Variants in RNPC3 observed in about 807,000 individuals in gnomAD.
RNPC3 encodes RNA-binding region-containing protein 3.
In RNPC3, 48 loss-of-function variants were observed where a neutral mutation model predicts 67.5. The ratio of observed to expected loss-of-function variants is 0.71; its 90% CI spans 0.56 to 0.90. RNPC3 has a LOEUF of 0.90. Ranked by LOEUF, RNPC3 falls within the 40% of genes least tolerant of loss-of-function variation. The probability of loss-of-function intolerance (pLI) is 0.00; values close to 1 mark genes in which losing one functional copy is unlikely to be tolerated. For missense variants in RNPC3, 637 were observed against 626.1 expected, an observed-to-expected ratio of 1.02 and a Z score of -0.19; for synonymous variants, 239 against 210.3, an observed-to-expected ratio of 1.14 and a Z score of -1.18.
chr1:103,526,184 T>A lies in RNPC3; in HGVS notation c.114T>A (p.Leu38=), dbSNP rs1387835461. Residue 38 remains leucine (L), a synonymous_variant, in exon 1 of 15, where the codon CTT becomes CTA. Transcript: ENST00000423855. ...TGGTCAGGCACCTGCCGGCTGAGCT[T>A]ACTGCTGAGGAGAAAGAGGACTTGC... ...TLLVRHLPAE[L]TAEEKEDLLK... 1 of 1,551,510 alleles carries A rather than the reference T, an allele frequency of 6.4e-7. No individual in the cohort carries two copies. Among genetic ancestry groups the A allele is most frequent in the East Asian group, 2.4e-5 (1 of 40,864 alleles).
At chr1:103,539,275 A>G (rs2101047222) in intron 7 of RNPC3, among the ~76,000 whole-genome samples, 1 of 152,344 alleles carries the variant, frequency 6.6e-6, no homozygotes. Context: ...ACATATACAA[A>G]TAATCGCAAT....
intron 2 of RNPC3, among the ~76,000 whole-genome samples, chr1:103,531,790 T>C (rs1380498936): frequency 6.6e-6 from 1 of 152,024 alleles, no homozygotes. Context: ...GGTTGTCTGT[T>C]TGTTGATTGT....
intron 6 of RNPC3, 61 bp downstream of exon 6, chr1:103,536,255 C>T: frequency 6.0e-6 from 7 of 1,172,314 alleles, no homozygotes; most frequent in Non-Finnish European, 8.6e-6. Flanking sequence ...ATTATTGAGG[C>T]TGAATTATAC....
In RNPC3 at chr1:103,546,304, A is replaced by G; in HGVS notation, c.1264A>G (p.Ile422Val). 6.8e-7 allele frequency: 1 copy of G among 1,476,240 alleles called. No individual in the cohort carries two copies. Among genetic ancestry groups the G allele is most frequent in the South Asian group, 1.4e-5 (1 of 73,104 alleles). 91.4% of individuals were successfully genotyped at this position (1,476,240 alleles called of 1,614,324 possible). Residue 422 changes from isoleucine to valine, a missense_variant, in exon 11 of 15, where the codon ATT (isoleucine) becomes GTT (valine). Ile to Val is a conservative substitution (Grantham distance 29). Around this residue, in one of 3 missense-constraint regions of RNPC3, gnomAD observed 5 missense variants for 20.1 expected, o/e 0.25. Transcript: ENST00000423855. Reference sequence around the variant, plus strand: ...TGAACCGGGTGAACCAAACTGTAGAATTTATGTAAAGAATTTAGCTAAACA... The same window carrying G: ...TGAACCGGGTGAACCAAACTGTAGAGTTTATGTAAAGAATTTAGCTAAACA... ...SYEPGEPNCR[I>V]YVKNLAKHVQ...
chr1:103,546,851 CATATT>C, intron 11 of RNPC3, 121 bp from the exon 12 acceptor site: 1 of 530,286 alleles, frequency 1.9e-6, no homozygotes, highest in Non-Finnish European at 3.3e-6. Flanking sequence ...GGCCACCAGT[CATATT>C]AGATTAAAGC....
intron 9 of RNPC3, 124 bp downstream of exon 9, chr1:103,543,571 C>A: frequency 1.4e-6 from 1 of 693,132 alleles, no homozygotes; most frequent in Non-Finnish European, 2.1e-6. Context: ...TTAGTGTTTC[C>A]CAAAATCATG....
rs1408160808 is a variant in RNPC3, at chr1:103,535,420, C to T, written c.534C>T (p.Ser178=). 6.5e-6 allele frequency: 10 copies of T among 1,534,802 alleles called. No individual in the cohort carries two copies. In the Admixed American group the frequency reaches 1.6e-4, roughly 24 times the overall value. The change falls in exon 5 of 15, where the codon AGC becomes AGT. Residue 178 remains serine (S), a synonymous_variant. Coordinates refer to ENST00000423855, the MANE Select transcript of RNPC3 (RefSeq NM_017619.4). The part of the protein sequence containing the change: ...ILANIVNALA[S]VPKFYVQVLH... ...CAAACATTGTAAATGCCTTGGCAAG[C>T]GTGCCTAAGTTCTATGTACAGGTAA...
intron 6 of RNPC3, 97 bp from the exon 7 acceptor site, chr1:103,537,245 G>A (rs1651008278): frequency 7.7e-6 from 6 of 777,382 alleles, no homozygotes; most frequent in Non-Finnish European, 1.1e-5. Context: ...AAAAAAAAAA[G>A]ACCATGTGAT....
At chr1:103,540,432 G>A (rs1444494986) in intron 7 of RNPC3, among the ~76,000 whole-genome samples, 1 of 152,138 alleles carries the variant, frequency 6.6e-6, no homozygotes, top group African/African-American at 2.4e-5. Flanking sequence ...AATAATTACT[G>A]AATATATGCC....
chr1:103,536,994 C>T (rs1030700980), intron 6 of RNPC3, among the ~76,000 whole-genome samples: 1 of 152,132 alleles, frequency 6.6e-6, no homozygotes, highest in Non-Finnish European at 1.5e-5. Context: ...CGACCATGTG[C>T]CTTCCCAGGT....
Position 103,545,336 on chromosome 1 carries a change from G to A in RNPC3, c.1207+234G>A, listed in dbSNP as rs2101050535. The A allele has an allele frequency of 1.3e-5, 4 of 319,778 alleles. No homozygotes were observed. In the South Asian group the frequency reaches 1.7e-4, roughly 14 times the overall value. The allele number at this position is 319,778 out of a possible 1,614,324, so 19.8% of individuals were successfully genotyped here. On this transcript the variant is annotated intron_variant, in intron 10 of 14. Transcript: ENST00000423855. The stretch of plus-strand genomic sequence containing the variant: ...CAGTCTATATTTAGGAAAAAATTTT[G>A]TTTTCATTCCTAAAACTTTCATGTG...
chr1:103,527,892 A>G, intron 2 of RNPC3, 150 bp downstream of exon 2: 1 of 609,058 alleles, frequency 1.6e-6, no homozygotes, highest in Non-Finnish European at 2.9e-6. Context: ...GTCAGTTGGC[A>G]GATCTTGCCC....
chr1:103,550,135 G>A (rs939413401), intron 12 of RNPC3, among the ~76,000 whole-genome samples: 9 of 151,934 alleles, frequency 5.9e-5, no homozygotes, highest in Admixed American at 5.9e-4. Flanking sequence ...CTGCACTCCA[G>A]CCTGGGCAAC....
At chr1:103,541,574 G>A in intron 8 of RNPC3, 99 bp downstream of exon 8, 1 of 1,208,486 alleles carries the variant, frequency 8.3e-7, no homozygotes, top group South Asian at 1.5e-5. Flanking sequence ...TTTCCTGTCA[G>A]TGTTCTTGGT....
chr1:103,535,887 G>A (rs1650972306), intron 5 of RNPC3, among the ~76,000 whole-genome samples: 1 of 152,000 alleles, frequency 6.6e-6, no homozygotes, highest in Non-Finnish European at 1.5e-5. Context: ...TATATTGCAA[G>A]AACGTTACAT....
chr1:103,534,624 G>A, intron 3 of RNPC3, 150 bp from the exon 4 acceptor site: 1 of 583,762 alleles, frequency 1.7e-6, no homozygotes, highest in East Asian at 3.0e-5. Flanking sequence ...CCATTTATTG[G>A]TGTTTGCTTG....
At position 103,526,188 on chromosome 1, in the gene RNPC3, G is replaced by A; in HGVS notation, c.118G>A (p.Ala40Thr). The A allele has an allele frequency of 6.4e-7, 1 of 1,551,524 alleles. No individual in the cohort carries two copies. Among genetic ancestry groups the A allele is most frequent in the African/African-American group, 1.4e-5 (1 of 73,158 alleles). ...CAGGCACCTGCCGGCTGAGCTTACT[G>A]CTGAGGAGAAAGAGGACTTGCTGAA... ...LVRHLPAELT[A>T]EEKEDLLKYF... Residue 40 changes from alanine (A) to threonine (T), a missense_variant, in exon 1 of 15, where the codon GCT (alanine) becomes ACT (threonine). Physicochemically the swap from Ala to Thr is moderately conservative, Grantham distance 58. This residue lies in a region of RNPC3 where 536 missense variants were observed against 500.3 expected (regional missense o/e 1.07). Coordinates refer to ENST00000423855, the MANE Select transcript of RNPC3 (RefSeq NM_017619.4).
intron 12 of RNPC3, among the ~76,000 whole-genome samples, chr1:103,548,455 G>A (rs1424948595): frequency 6.6e-6 from 1 of 152,116 alleles, no homozygotes; most frequent in Non-Finnish European, 1.5e-5. Context: ...GGGGCAAAAT[G>A]CCACCAGTCT....
chr1:103,546,111 T>C, intron 10 of RNPC3, 137 bp from the exon 11 acceptor site: 1 of 421,012 alleles, frequency 2.4e-6, no homozygotes, highest in South Asian at 5.2e-5. Flanking sequence ...TTTCATTTTA[T>C]GTTAAAGTGA....
Sources: gnomAD v4.1 joint callset for allele counts (sites outside exome capture counted in the v4.1 genomes callset) on GRCh38, gnomAD v4.1.1 for gene constraint, gnomAD v4.1.1 regional missense constraint, MANE v1.5 for transcripts, NCBI Gene and HGNC (gene_info 2026-07-23, HGNC 2026-07-21) for gene names.